Variants in COL22A1 observed in about 807,000 individuals in gnomAD.
COL22A1 encodes the protein collagen alpha-1(XXII) chain.
A neutral mutation model predicts 248.9 loss-of-function variants in COL22A1; 221 were observed. The observed-to-expected ratio is 0.89, with a 90% CI of 0.80 to 0.99. COL22A1 has a LOEUF of 0.99. Ranked by LOEUF, COL22A1 falls within the 50% of genes least tolerant of loss-of-function variation. The pLI, the probability that COL22A1 is intolerant of heterozygous loss-of-function variation, is 0.00. For missense variants in COL22A1, 2,240 were observed against 2,179.0 expected, an observed-to-expected ratio of 1.03 and a Z score of -0.56; for synonymous variants, 891 against 793.4, an observed-to-expected ratio of 1.12 and a Z score of -2.07.
intron 11 of COL22A1, among the ~76,000 whole-genome samples, chr8:138,798,747 AT>A (rs1335287522): frequency 6.6e-6 from 1 of 151,964 alleles, no homozygotes; most frequent in Non-Finnish European, 1.5e-5. Context: ...ATAATGAGTC[AT>A]TTTTTTCTCT....
At chr8:138,805,621 G>T (rs111066397) in intron 10 of COL22A1, among the ~76,000 whole-genome samples, 1 of 139,306 alleles carries the variant, frequency 7.2e-6, no homozygotes. Context: ...CGGTGTGTGA[G>T]GGTGTGTGTG....
intron 1 of COL22A1, among the ~76,000 whole-genome samples, chr8:138,912,539 G>A (rs1348877629): frequency 6.6e-6 from 1 of 152,192 alleles, no homozygotes; most frequent in African/African-American, 2.4e-5. Flanking sequence ...TCGGGAGTTG[G>A]AGACCAGTCT....
chr8:138,634,197 A>G (rs747266074), intron 49 of COL22A1, among the ~76,000 whole-genome samples: 10 of 152,226 alleles, frequency 6.6e-5, no homozygotes, highest in Non-Finnish European at 8.8e-5. Context: ...AAGCAAGCTT[A>G]ATTTCATATA....
At chr8:138,854,246 C>T (rs903812879) in intron 3 of COL22A1, among the ~76,000 whole-genome samples, 1 of 152,190 alleles carries the variant, frequency 6.6e-6, no homozygotes, top group Non-Finnish European at 1.5e-5. Context: ...GGCATGAACA[C>T]ATCCTGGGTG....
At chr8:138,666,984 C>T (rs988436469) in intron 41 of COL22A1, among the ~76,000 whole-genome samples, 2 of 152,122 alleles carry the variant, frequency 1.3e-5, no homozygotes, top group South Asian at 2.1e-4. Flanking sequence ...TATCACCTTG[C>T]CTTGTGTTAT....
At chr8:138,651,585 C>A (rs2130570571) in intron 45 of COL22A1, among the ~76,000 whole-genome samples, 1 of 152,298 alleles carries the variant, frequency 6.6e-6, no homozygotes, top group South Asian at 2.1e-4. Flanking sequence ...ATTCAGTTTA[C>A]TTAGATGAGC....
At position 138,833,142 on chromosome 8, in the gene COL22A1, G is replaced by A; in HGVS notation, c.742C>T (p.Leu248=). The part of the protein sequence containing the change: ...GGTKEITGFD[L]MDLFSVKEIL... ...TCCTTCACACTGAACAAATCCATCA[G>A]GTCAAAACCTGTACAAAGAGAAGAG... The change falls in exon 5 of 65, where the codon CTG becomes TTG. Residue 248 remains leucine, a synonymous_variant. Transcript: ENST00000303045. The A allele has an allele frequency of 6.2e-7, 1 of 1,609,440 alleles. No homozygotes were observed. The highest frequency in any genetic ancestry group is 8.5e-7 in the Non-Finnish European group (1 of 1,175,682).
chr8:138,614,800 C>T (rs1201780289), intron 55 of COL22A1, among the ~76,000 whole-genome samples: 1 of 152,180 alleles, frequency 6.6e-6, no homozygotes, highest in Non-Finnish European at 1.5e-5. Flanking sequence ...ACAGATTCCA[C>T]AGCTAAGAAA....
chr8:138,664,460 C>G (rs1014821310), intron 41 of COL22A1, among the ~76,000 whole-genome samples: 1 of 152,114 alleles, frequency 6.6e-6, no homozygotes, highest in African/African-American at 2.4e-5. Flanking sequence ...TCCATGAAGA[C>G]TCTGTCCTGC....
intron 11 of COL22A1, among the ~76,000 whole-genome samples, chr8:138,798,567 T>TG (rs1816746162): frequency 6.6e-6 from 1 of 152,120 alleles, no homozygotes; most frequent in South Asian, 2.1e-4. Context: ...CTATCCCTTC[T>TG]TCCCTCTTTT....
chr8:138,741,966 T>C (rs558648581), intron 22 of COL22A1, among the ~76,000 whole-genome samples: 1 of 151,798 alleles, frequency 6.6e-6, no homozygotes, highest in Non-Finnish European at 1.5e-5. Flanking sequence ...GTGATGGTGA[T>C]GGTGATGGTA....
At chr8:138,721,446 A>G (rs1410074239) in intron 26 of COL22A1, among the ~76,000 whole-genome samples, 2 of 152,210 alleles carry the variant, frequency 1.3e-5, no homozygotes, top group South Asian at 4.1e-4. Flanking sequence ...GTTTTATGCT[A>G]TTTAACCTTT....
chr8:138,901,827 G>A (rs1458154995), intron 1 of COL22A1, among the ~76,000 whole-genome samples: 2 of 152,120 alleles, frequency 1.3e-5, no homozygotes, highest in Non-Finnish European at 2.9e-5. Context: ...CCTCTCCGGT[G>A]TCGCCTGACT....
chr8:138,778,105 C>G, intron 15 of COL22A1: 1 of 569,170 alleles, frequency 1.8e-6, no homozygotes, highest in Admixed American at 3.0e-5. Flanking sequence ...TTCCTGGGAT[C>G]TACCCTGCTT....
chr8:138,787,084 T>A (rs1489993631), intron 12 of COL22A1, among the ~76,000 whole-genome samples: 1 of 152,140 alleles, frequency 6.6e-6, no homozygotes, highest in African/African-American at 2.4e-5. Context: ...GAAGTATTAT[T>A]GAAATGTGAG....
At chr8:138,660,579 ACTCAGTGGGG>A in intron 43 of COL22A1, 99 bp from the exon 44 acceptor site, 1 of 1,051,102 alleles carries the variant, frequency 9.5e-7, no homozygotes, top group South Asian at 1.4e-5. Flanking sequence ...GCTAAGTGTA[ACTCAGTGGGG>A]AAAAAAAATC....
chr8:138,618,597 A>C (rs892185920), intron 53 of COL22A1, among the ~76,000 whole-genome samples: 1 of 152,210 alleles, frequency 6.6e-6, no homozygotes, highest in Non-Finnish European at 1.5e-5. Context: ...TTAAGAGAAC[A>C]GAAAATTTAT....
chr8:138,807,101 G>C (rs1817791166), intron 10 of COL22A1, among the ~76,000 whole-genome samples: 1 of 152,142 alleles, frequency 6.6e-6, no homozygotes, highest in African/African-American at 2.4e-5. Context: ...GATACAGAGA[G>C]TGAGAGATAA....
At chr8:138,595,259 G>A (rs1817429864) in intron 62 of COL22A1, among the ~76,000 whole-genome samples, 1 of 152,094 alleles carries the variant, frequency 6.6e-6, no homozygotes, top group South Asian at 2.1e-4. Flanking sequence ...CTGCGACCTT[G>A]ACAAATTGCT....
Sources: allele counts gnomAD v4.1 joint callset (sites outside exome capture counted in the v4.1 genomes callset), GRCh38; gene constraint gnomAD v4.1.1; transcripts MANE v1.5; gene names NCBI Gene and HGNC (gene_info 2026-07-23, HGNC 2026-07-21).